The following PCDHA1 variants were observed in gnomAD, a reference collection of about 807,000 sequenced individuals.
PCDHA1 encodes the protein protocadherin alpha-1.
A neutral mutation model predicts 61.3 loss-of-function variants in PCDHA1; 42 were observed. The observed-to-expected ratio is 0.69, with a 90% CI of 0.54 to 0.89. PCDHA1 has a LOEUF of 0.89. Ranked by LOEUF, PCDHA1 falls within the 40% of genes least tolerant of loss-of-function variation. The pLI is 0.00. For missense variants in PCDHA1, 1,256 were observed against 1,235.3 expected (o/e 1.02, Z -0.25); for synonymous variants, 610 against 553.8 (o/e 1.10, Z -1.43).
intron 1 of PCDHA1, chr5:140,794,904 G>A: frequency 6.6e-7 from 1 of 1,508,782 alleles, no homozygotes; most frequent in South Asian, 1.3e-5. Context: ...ACAGAGACTA[G>A]AATATTTAAA....
intron 1 of PCDHA1, chr5:140,815,038 A>T (rs1765640117): frequency 1.3e-5 from 2 of 152,070 alleles, no homozygotes; most frequent in African/African-American, 2.4e-5. Flanking sequence ...TTTGCATGAA[A>T]TTTTTTTAAT....
intron 3 of PCDHA1, among the ~76,000 whole-genome samples, chr5:141,005,731 A>AC (rs2098235322): frequency 6.7e-6 from 1 of 149,106 alleles, no homozygotes; most frequent in Non-Finnish European, 1.5e-5. Flanking sequence ...AAAAAAAAAA[A>AC]GAATGGATGA....
intron 1 of PCDHA1, chr5:140,802,362 C>T: frequency 6.2e-7 from 1 of 1,614,268 alleles, no homozygotes; most frequent in Non-Finnish European, 8.5e-7. Context: ...CACCTGCTCG[C>T]TGACGCCCCA....
chr5:140,946,405 T>C (rs1554217546), intron 1 of PCDHA1, among the ~76,000 whole-genome samples: 1 of 151,592 alleles, frequency 6.6e-6, no homozygotes, highest in South Asian at 2.1e-4. Context: ...AGTACAATCA[T>C]AGAAAACAAT....
chr5:140,903,086 C>T lies in PCDHA1; in HGVS notation c.2395-75863C>T, dbSNP rs534457835. 2.6e-5 allele frequency among the ~76,000 whole-genome samples: 4 copies of T among 152,260 alleles called. No homozygotes were observed. In the East Asian group the frequency reaches 7.7e-4, roughly 29 times the overall value. ...CCTTTGGGTAGATACCTGATAGTGGCATTGCTGGATCAAATAATAGCTCTA... is the reference window on the plus strand; with the variant it reads ...CCTTTGGGTAGATACCTGATAGTGGTATTGCTGGATCAAATAATAGCTCTA... On this transcript the variant is annotated intron_variant, in intron 1 of 3. Transcript: ENST00000504120.
chr5:140,931,683 A>G (rs1482331530), intron 1 of PCDHA1, among the ~76,000 whole-genome samples: 2 of 151,950 alleles, frequency 1.3e-5, no homozygotes, highest in African/African-American at 4.8e-5. Flanking sequence ...AAATAAATGA[A>G]TTGTGATTCA....
intron 1 of PCDHA1, among the ~76,000 whole-genome samples, chr5:140,941,343 G>C (rs2093045496): frequency 8.8e-6 from 1 of 114,104 alleles, no homozygotes. Context: ...TTCAGATGGA[G>C]TCTTGCTCTG....
chr5:140,977,245 AC>A (rs2096751811), intron 1 of PCDHA1, among the ~76,000 whole-genome samples: 1 of 152,212 alleles, frequency 6.6e-6, no homozygotes, highest in Non-Finnish European at 1.5e-5. Context: ...AAAATTGGCA[AC>A]ATTTCTCAGC....
At chr5:140,864,452 T>C (rs1368510551) in intron 1 of PCDHA1, 1 of 152,266 alleles carries the variant, frequency 6.6e-6, no homozygotes, top group East Asian at 1.9e-4. Context: ...TCATGATCAA[T>C]ATCCATCTTT....
Position 140,788,467 on chromosome 5 carries a change from C to A in PCDHA1, c.2177C>A (p.Pro726Gln), listed in dbSNP as rs17844240. The change falls in exon 1 of 4, where the codon CCG (proline) becomes CAG (glutamine). Residue 726 changes from proline to glutamine, a missense_variant. By Grantham distance (76) the Pro-to-Gln change is moderately conservative. Coordinates refer to ENST00000504120, the MANE Select transcript of PCDHA1 (RefSeq NM_018900.4). ...LLYTALRCSV[P>Q]PTEGAYVPGK... ...TACACGGCGCTGCGGTGCTCAGTGC[C>A]GCCCACTGAGGGTGCGTATGTGCCG... 4 of 1,613,988 alleles carry A rather than the reference C, an allele frequency of 2.5e-6. No individual in the cohort carries two copies. In the East Asian group the frequency reaches 6.7e-5, roughly 27 times the overall value.
At chr5:140,927,200 AC>A in intron 1 of PCDHA1, 1 of 1,614,014 alleles carries the variant, frequency 6.2e-7, no homozygotes, top group Non-Finnish European at 8.5e-7. Context: ...GTGCTCGAGG[AC>A]CCGCTGGAGC....
chr5:140,927,720 G>T lies in PCDHA1; in HGVS notation c.2395-51229G>T. The T allele has an allele frequency of 3.1e-6, 5 of 1,614,174 alleles. No homozygotes were observed. The Middle Eastern group carries it at 4.9e-4, about 160-fold the overall frequency. On this transcript the variant is annotated intron_variant, in intron 1 of 3. Coordinates refer to ENST00000504120, the MANE Select transcript of PCDHA1 (RefSeq NM_018900.4). ...TCCAGTACTCCCTAAGCAACAGCACGCAAGCAGAGCTGCGACACCGCTTTC... is the reference window on the plus strand; with the variant it reads ...TCCAGTACTCCCTAAGCAACAGCACTCAAGCAGAGCTGCGACACCGCTTTC...
At chr5:141,000,079 G>A (rs1233130123) in intron 3 of PCDHA1, among the ~76,000 whole-genome samples, 2 of 152,102 alleles carry the variant, frequency 1.3e-5, no homozygotes, top group Non-Finnish European at 2.9e-5. Flanking sequence ...CACAATGCTA[G>A]GCCTGTGAAT....
chr5:140,846,510 G>A (rs1179802495), intron 1 of PCDHA1, among the ~76,000 whole-genome samples: 11 of 147,866 alleles, frequency 7.4e-5, no homozygotes, highest in African/African-American at 2.7e-4. Flanking sequence ...AAGTAGCTGG[G>A]ATTACAGGTG....
At chr5:140,847,583 T>A (rs1323179301) in intron 1 of PCDHA1, 3 of 149,348 alleles carry the variant, frequency 2.0e-5, no homozygotes, top group African/African-American at 7.3e-5. Context: ...GGATGAGCAA[T>A]AATGAAATTA....
intron 1 of PCDHA1, chr5:140,857,339 T>A (rs2044519052): frequency 1.3e-6 from 2 of 1,597,956 alleles, no homozygotes; most frequent in Non-Finnish European, 1.7e-6. Context: ...GGACGGGGGC[T>A]CGCCTCCGCT....
At chr5:140,835,878 G>A (rs138465402) in intron 1 of PCDHA1, 6 of 1,611,878 alleles carry the variant, frequency 3.7e-6, no homozygotes, top group Non-Finnish European at 5.1e-6. Context: ...GGAGCTGCGG[G>A]TGGGCGAGCG....
At chr5:140,900,713 G>A (rs1367112592) in intron 1 of PCDHA1, among the ~76,000 whole-genome samples, 1 of 152,194 alleles carries the variant, frequency 6.6e-6, no homozygotes, top group Non-Finnish European at 1.5e-5. Context: ...TGGAAAGAAA[G>A]GAAATCCTAC....
chr5:140,813,245 C>T (rs1270157718), intron 1 of PCDHA1: 2 of 152,186 alleles, frequency 1.3e-5, no homozygotes, highest in Admixed American at 6.5e-5. Context: ...ATACCAAAAT[C>T]TCCTACTACA....
Sources: gnomAD v4.1 joint callset for allele counts (sites outside exome capture counted in the v4.1 genomes callset) on GRCh38, gnomAD v4.1.1 for gene constraint, MANE v1.5 for transcripts, NCBI Gene and HGNC (gene_info 2026-07-23, HGNC 2026-07-21) for gene names.